The following CDH13 variants were observed in gnomAD, a reference collection of about 807,000 sequenced individuals.
CDH13 encodes the protein cadherin 13.
CDH13 carries 24 observed loss-of-function variants against 63.8 expected under a neutral mutation model. That is an observed-to-expected ratio of 0.38 (90% CI 0.27 to 0.53). The LOEUF is 0.53. Ranked by LOEUF, CDH13 falls within the 20% of genes least tolerant of loss-of-function variation. The pLI is 0.85. For missense variants in CDH13, 1,049 were observed against 903.1 expected (o/e 1.16, Z -2.07); for synonymous variants, 503 against 355.3 (o/e 1.42, Z -4.67).
At chr16:83,480,398 G>T (rs72808334) in intron 6 of CDH13, among the ~76,000 whole-genome samples, 2 of 152,008 alleles carry the variant, frequency 1.3e-5, no homozygotes, top group African/African-American at 4.8e-5. Context: ...GATAGCCCAG[G>T]TCCTCAGCCG....
intron 6 of CDH13, among the ~76,000 whole-genome samples, chr16:83,383,639 C>G (rs1225383242): frequency 6.6e-6 from 1 of 152,064 alleles, no homozygotes; most frequent in African/African-American, 2.4e-5. Flanking sequence ...GGGTTGTTTT[C>G]TGTTGCTGTC....
intron 10 of CDH13, among the ~76,000 whole-genome samples, chr16:83,705,664 A>G (rs1035323669): frequency 9.2e-5 from 14 of 152,214 alleles, no homozygotes; most frequent in Non-Finnish European, 4.4e-5. Context: ...AGAGAGAATT[A>G]AGCTTTATTG....
At chr16:83,251,560 C>A (rs1417698257) in intron 5 of CDH13, among the ~76,000 whole-genome samples, 1 of 152,182 alleles carries the variant, frequency 6.6e-6, no homozygotes, top group African/African-American at 2.4e-5. Flanking sequence ...TGGGTCCAAT[C>A]TGGAGGTGAC....
chr16:82,838,210 C>T (rs2038852955), intron 1 of CDH13, among the ~76,000 whole-genome samples: 1 of 152,214 alleles, frequency 6.6e-6, no homozygotes. Context: ...GTTCTAATTT[C>T]TCTAATGGAA....
At chr16:83,658,183 A>G (rs1275866127) in intron 8 of CDH13, among the ~76,000 whole-genome samples, 5 of 144,668 alleles carry the variant, frequency 3.5e-5, no homozygotes, top group African/African-American at 1.0e-4. Flanking sequence ...GCAAGGTCCC[A>G]TATCCTCACC....
chr16:83,777,561 C>G (rs1412156363), intron 11 of CDH13, among the ~76,000 whole-genome samples: 1 of 152,252 alleles, frequency 6.6e-6, no homozygotes, highest in Non-Finnish European at 1.5e-5. Context: ...GGAGTTGGCT[C>G]TACTGCAACA....
At chr16:82,993,344 T>TA (rs1473903245) in intron 2 of CDH13, among the ~76,000 whole-genome samples, 1 of 152,144 alleles carries the variant, frequency 6.6e-6, no homozygotes, top group Non-Finnish European at 1.5e-5. Context: ...TACAGATGCT[T>TA]ACGCTTATTA....
intron 5 of CDH13, among the ~76,000 whole-genome samples, chr16:83,223,030 A>C (rs1342287537): frequency 6.7e-6 from 1 of 149,654 alleles, no homozygotes; most frequent in Non-Finnish European, 1.5e-5. Flanking sequence ...GGACAATCAG[A>C]TATGTCTGCT....
chr16:83,093,034 C>G (rs950086368), intron 3 of CDH13, among the ~76,000 whole-genome samples: 9 of 152,046 alleles, frequency 5.9e-5, no homozygotes, highest in African/African-American at 1.7e-4. Flanking sequence ...TATAAAATAC[C>G]TTATTTTTCT....
chr16:82,810,031 G>T (rs192828869), intron 1 of CDH13, among the ~76,000 whole-genome samples: 1 of 152,134 alleles, frequency 6.6e-6, no homozygotes, highest in Non-Finnish European at 1.5e-5. Context: ...GCCATCGCCC[G>T]GTGCCTTAGC....
intron 2 of CDH13, among the ~76,000 whole-genome samples, chr16:82,972,958 T>G (rs1597332534): frequency 1.3e-5 from 2 of 152,314 alleles, no homozygotes; most frequent in South Asian, 4.1e-4. Flanking sequence ...TTTTAAAGTG[T>G]TCAAAACCAT....
chr16:83,575,370 A>G (rs1905014236), intron 7 of CDH13, among the ~76,000 whole-genome samples: 1 of 152,262 alleles, frequency 6.6e-6, no homozygotes, highest in Non-Finnish European at 1.5e-5. Flanking sequence ...GTCCCACACT[A>G]TAGCCAGAAT....
chr16:82,991,966 A>G (rs1176759343), intron 2 of CDH13, among the ~76,000 whole-genome samples: 2 of 152,248 alleles, frequency 1.3e-5, no homozygotes, highest in African/African-American at 2.4e-5. Context: ...TGGAGGATCA[A>G]TCATGTCAAA....
At chr16:83,431,396 C>G (rs1286242237) in intron 6 of CDH13, among the ~76,000 whole-genome samples, 1 of 151,740 alleles carries the variant, frequency 6.6e-6, no homozygotes, top group Admixed American at 6.6e-5. Flanking sequence ...ATTCATTCAT[C>G]CAAGCAGGAG....
At chr16:83,544,488 C>G (rs1452255358) in intron 7 of CDH13, among the ~76,000 whole-genome samples, 2 of 152,136 alleles carry the variant, frequency 1.3e-5, no homozygotes, top group Admixed American at 6.5e-5. Flanking sequence ...CTACCTTAAA[C>G]ACACTGAGAA....
chr16:83,602,119 A>AC (rs1907885217), intron 7 of CDH13, among the ~76,000 whole-genome samples: 1 of 119,014 alleles, frequency 8.4e-6, no homozygotes. Context: ...AAAAAAAAAA[A>AC]AAAAAAAAAA....
intron 4 of CDH13, among the ~76,000 whole-genome samples, chr16:83,147,465 G>T (rs778418075): frequency 6.6e-6 from 1 of 152,122 alleles, no homozygotes; most frequent in African/African-American, 2.4e-5. Context: ...TTCTCTGTGT[G>T]ACCTCAAGTC....
At chr16:83,334,332 CCCTT>C (rs2090542562) in intron 5 of CDH13, among the ~76,000 whole-genome samples, 1 of 139,512 alleles carries the variant, frequency 7.2e-6, no homozygotes, top group Non-Finnish European at 1.5e-5. Context: ...CTCCCTCTCT[CCCTT>C]TCTCCCTCTC....
At position 82,858,367 on chromosome 16, in the gene CDH13, G is replaced by A; in HGVS notation, c.51G>A (p.Leu17=). 6.2e-7 allele frequency: 1 copy of A among 1,609,640 alleles called. No individual in the cohort carries two copies. The highest frequency in any genetic ancestry group is 2.2e-5 in the East Asian group (1 of 44,842). The part of the protein sequence containing the change: ...LVLCVLLSQV[L]LLTSAEDLDC... Reference sequence around the variant, plus strand: ...GATGGCTTTGGTTTTCTCAGGTGCTGCTGCTAACATCTGCAGAAGATTTGG... The same window carrying A: ...GATGGCTTTGGTTTTCTCAGGTGCTACTGCTAACATCTGCAGAAGATTTGG... The change falls in exon 2 of 14, where the codon CTG becomes CTA. Residue 17 remains leucine, a synonymous_variant. Transcript: ENST00000567109.
Sources: allele counts gnomAD v4.1 joint callset (sites outside exome capture counted in the v4.1 genomes callset), GRCh38; gene constraint gnomAD v4.1.1; transcripts MANE v1.5; gene names NCBI Gene and HGNC (gene_info 2026-07-23, HGNC 2026-07-21).